Variants in HSDL2 observed in about 807,000 individuals in gnomAD.
The protein encoded by HSDL2 is hydroxysteroid dehydrogenase-like protein 2.
In HSDL2, 27 loss-of-function variants were observed where a neutral mutation model predicts 46.3. The ratio of observed to expected loss-of-function variants is 0.58; its 90% CI spans 0.43 to 0.80. The LOEUF (loss-of-function observed/expected upper bound fraction) is 0.80. HSDL2 is among the 30% of genes least tolerant of loss of function. The pLI, the probability that HSDL2 is intolerant of heterozygous loss-of-function variation, is 0.00. For synonymous variants in HSDL2, 153 were observed against 163.6 expected, an observed-to-expected ratio of 0.94 and a Z score of 0.50; for missense variants, 451 against 502.7, an observed-to-expected ratio of 0.90 and a Z score of 0.98.
intron 1 of HSDL2, among the ~76,000 whole-genome samples, chr9:112,385,372 A>G (rs1400466290): frequency 6.6e-6 from 1 of 152,124 alleles, no homozygotes; most frequent in Non-Finnish European, 1.5e-5. Flanking sequence ...TCTGTCGCCC[A>G]GGATGGAGTG....
intron 6 of HSDL2, among the ~76,000 whole-genome samples, 191 bp from the exon 7 acceptor site, chr9:112,438,240 A>G (rs932919538): frequency 6.6e-6 from 1 of 152,212 alleles, no homozygotes; most frequent in Non-Finnish European, 1.5e-5. Context: ...TGTCTCAAAA[A>G]CAAAAATAAA....
At chr9:112,463,259 C>CT (rs59947984) in intron 10 of HSDL2, among the ~76,000 whole-genome samples, 15 of 138,974 alleles carry the variant, frequency 1.1e-4, no homozygotes, top group Non-Finnish European at 2.0e-4. Flanking sequence ...TGATATTTAA[C>CT]TTTTTTTTTT....
chr9:112,438,621 A>G lies in HSDL2; in HGVS notation c.789A>G (p.Lys263=). Residue 263 remains lysine (K), a synonymous_variant, in exon 7 of 11, where the codon AAA becomes AAG. Transcript: ENST00000398805. ...GIENFDVYAI[K]PGHPLQPDFF... ...AAAATTTTGACGTTTATGCAATTAA[A>G]CCAGGTAATGCTTTTATAGTTTTTA... 6.5e-7 allele frequency: 1 copy of G among 1,540,362 alleles called. No homozygotes were observed. Among genetic ancestry groups the G allele is most frequent in the South Asian group, 1.2e-5 (1 of 86,188 alleles).
intron 4 of HSDL2, among the ~76,000 whole-genome samples, chr9:112,412,529 A>G (rs941221095): frequency 6.6e-6 from 1 of 152,240 alleles, no homozygotes; most frequent in Admixed American, 6.5e-5. Context: ...AAAGTTAAAA[A>G]TATACGTTTT....
chr9:112,441,902 A>G (rs1340176314), intron 8 of HSDL2, 132 bp downstream of exon 8: 1 of 595,170 alleles, frequency 1.7e-6, no homozygotes, highest in African/African-American at 1.9e-5. Context: ...ACTTTAAACT[A>G]AACAAGTAAT....
chr9:112,407,363 G>A (rs759350099), intron 3 of HSDL2, among the ~76,000 whole-genome samples: 3 of 152,154 alleles, frequency 2.0e-5, no homozygotes, highest in Non-Finnish European at 4.4e-5. Flanking sequence ...TGGAGAGGAC[G>A]TAAGGGGAGA....
chr9:112,412,873 G>A (rs2132634522), intron 4 of HSDL2, among the ~76,000 whole-genome samples: 1 of 152,034 alleles, frequency 6.6e-6, no homozygotes. Context: ...GGAGGCCGAG[G>A]CAGGCGGATT....
At chr9:112,459,764 G>C (rs2274784) in intron 10 of HSDL2, among the ~76,000 whole-genome samples, 187 bp downstream of exon 10, 19,634 of 152,202 alleles carry the variant, frequency 0.13, 1,768 homozygotes, top group East Asian at 0.21. Context: ...GTGGAAGGTA[G>C]ATGTCAGAAT....
intron 6 of HSDL2, among the ~76,000 whole-genome samples, chr9:112,423,311 G>A (rs1158151790): frequency 6.6e-6 from 1 of 152,176 alleles, no homozygotes; most frequent in Non-Finnish European, 1.5e-5. Flanking sequence ...GGAATTTGGG[G>A]AAGAGGGAAA....
chr9:112,399,125 G>A (rs1444832122), intron 1 of HSDL2, among the ~76,000 whole-genome samples: 1 of 152,144 alleles, frequency 6.6e-6, no homozygotes, highest in African/African-American at 2.4e-5. Context: ...TTCAATGTAG[G>A]TTCTTTCTAT....
rs150588196 is a variant in HSDL2, at chr9:112,413,386, A to G, written c.396-3455A>G. ...CAGCTACTCGGGAGGCTGAGGCAGG[A>G]GAGTTGCTTGAACCCAAGAGGCAGA... On this transcript the variant is annotated intron_variant, in intron 4 of 10. Coordinates refer to ENST00000398805, the MANE Select transcript of HSDL2 (RefSeq NM_032303.5). 3.0e-3 allele frequency among the ~76,000 whole-genome samples: 453 copies of G among 152,212 alleles called. 2 individuals carry two copies. Among genetic ancestry groups the G allele is most frequent in the African/African-American group, 0.01 (422 of 41,542 alleles).
At chr9:112,380,516 T>G (rs1341306107) in intron 1 of HSDL2, among the ~76,000 whole-genome samples, 1 of 152,154 alleles carries the variant, frequency 6.6e-6, no homozygotes, top group Non-Finnish European at 1.5e-5. Context: ...GTGTGAGTTC[T>G]AGGTGAAAGG....
chr9:112,396,443 A>G (rs796523655), intron 1 of HSDL2, among the ~76,000 whole-genome samples: 1 of 152,192 alleles, frequency 6.6e-6, no homozygotes, highest in Non-Finnish European at 1.5e-5. Flanking sequence ...CATTAATCCA[A>G]TAAGCGGCTT....
rs373066254 is a variant in HSDL2, at chr9:112,470,571, G to A, written c.*27G>A. On this transcript the variant is annotated 3_prime_UTR_variant, in exon 11 of 11. Coordinates refer to ENST00000398805, the MANE Select transcript of HSDL2 (RefSeq NM_032303.5). ...GGAAAATATAAAAAAAAAGTCGACTGCTATGCTCAAAAAGTAAAAAAAGCT... is the reference window on the plus strand; with the variant it reads ...GGAAAATATAAAAAAAAAGTCGACTACTATGCTCAAAAAGTAAAAAAAGCT... The A allele has an allele frequency of 7.5e-5, 96 of 1,287,266 alleles. No homozygotes were observed. Among genetic ancestry groups the A allele is most frequent in the Non-Finnish European group, 9.9e-5 (90 of 909,152 alleles). 79.7% of individuals were successfully genotyped at this position (1,287,266 alleles called of 1,614,324 possible).
chr9:112,440,859 G>T (rs10448272), intron 7 of HSDL2, among the ~76,000 whole-genome samples: 146,179 of 152,086 alleles, frequency 0.96, 70,301 homozygotes, highest in African/African-American at 0.99. Context: ...AATATGAAAA[G>T]TAGCCAGGCA....
At chr9:112,461,171 G>A (rs973975743) in intron 10 of HSDL2, among the ~76,000 whole-genome samples, 2 of 151,496 alleles carry the variant, frequency 1.3e-5, no homozygotes, top group African/African-American at 2.4e-5. Context: ...TCTGCCTTCC[G>A]GGTTCAAGCA....
chr9:112,407,528 A>G (rs1452831796), intron 3 of HSDL2, among the ~76,000 whole-genome samples: 1 of 152,002 alleles, frequency 6.6e-6, no homozygotes, highest in African/African-American at 2.4e-5. Flanking sequence ...GTGATCCTCC[A>G]ACCCCAGCCT....
chr9:112,408,352 A>G (rs749724988), intron 3 of HSDL2, among the ~76,000 whole-genome samples: 6 of 152,212 alleles, frequency 3.9e-5, no homozygotes, highest in Non-Finnish European at 7.3e-5. Flanking sequence ...GTAGTTTCAC[A>G]TGGAGCTCTG....
intron 1 of HSDL2, among the ~76,000 whole-genome samples, chr9:112,398,018 C>T (rs1326382084): frequency 6.6e-6 from 1 of 152,076 alleles, no homozygotes; most frequent in East Asian, 1.9e-4. Flanking sequence ...CAAGAACAGG[C>T]ACATGAGATG....
Sources: allele counts gnomAD v4.1 joint callset (sites outside exome capture counted in the v4.1 genomes callset), GRCh38; gene constraint gnomAD v4.1.1; transcripts MANE v1.5; gene names NCBI Gene and HGNC (gene_info 2026-07-23, HGNC 2026-07-21).